Variants in ADGRV1 observed in about 807,000 individuals in gnomAD.
ADGRV1 encodes adhesion G protein-coupled receptor V1, also known as G-protein coupled receptor 98.
A neutral mutation model predicts 596.2 loss-of-function variants in ADGRV1; 359 were observed. The ratio of observed to expected loss-of-function variants is 0.60; its 90% CI spans 0.55 to 0.66. ADGRV1 has a LOEUF of 0.66. Ranked by LOEUF, ADGRV1 falls within the 30% of genes least tolerant of loss-of-function variation. The pLI is 0.00. For synonymous variants in ADGRV1, 2,681 were observed against 2,679.2 expected, an observed-to-expected ratio of 1.00 and a Z score of -0.02; for missense variants, 7,274 against 7,575.6, an observed-to-expected ratio of 0.96 and a Z score of 1.48.
chr5:90,753,549 A>G, intron 53 of ADGRV1, 25 bp from the exon 54 acceptor site: 2 of 1,537,674 alleles, frequency 1.3e-6, no homozygotes, highest in Non-Finnish European at 1.8e-6. Context: ...AAAATAAATA[A>G]CATCTTCTTT....
intron 83 of ADGRV1, among the ~76,000 whole-genome samples, chr5:90,933,588 G>A (rs919148314): frequency 6.6e-6 from 1 of 152,188 alleles, no homozygotes; most frequent in East Asian, 1.9e-4. Flanking sequence ...AAAGTCACTG[G>A]CAGGGTTTGT....
At chr5:90,588,196 T>C (rs1164711669) in intron 1 of ADGRV1, among the ~76,000 whole-genome samples, 1 of 152,182 alleles carries the variant, frequency 6.6e-6, no homozygotes. Flanking sequence ...CATTTACTTA[T>C]AAAAGAAACG....
intron 21 of ADGRV1, among the ~76,000 whole-genome samples, chr5:90,665,629 T>G (rs1771212265): frequency 6.7e-6 from 1 of 150,244 alleles, no homozygotes; most frequent in South Asian, 2.1e-4. Flanking sequence ...TCTGCTCTGA[T>G]TTTAGTTATT....
At chr5:90,885,709 G>A (rs1377848410) in intron 83 of ADGRV1, among the ~76,000 whole-genome samples, 1 of 152,180 alleles carries the variant, frequency 6.6e-6, no homozygotes, top group Non-Finnish European at 1.5e-5. Flanking sequence ...GAGATAAGGA[G>A]TGCCAGGAGA....
At position 90,627,724 on chromosome 5, in the gene ADGRV1, A is replaced by G. The variant is rs1386828461; in HGVS notation, c.1186A>G (p.Asn396Asp). The change falls in exon 7 of 90, where the codon AAC becomes GAC. Residue 396 changes from asparagine (N) to aspartate (D), a missense_variant. By Grantham distance (23) the Asn-to-Asp change is conservative. This residue lies in a region of ADGRV1 where 1,715 missense variants were observed against 1,708.8 expected (regional missense o/e 1.00). Transcript: ENST00000405460. ...TAAACCTTATGGAGTCCTTTCATTC[A>G]ACAGTGTTTTGTTTGAAAGGACAGT... ...NDKPYGVLSFNSVLFERTVII... is the reference protein window; with the variant it reads ...NDKPYGVLSFDSVLFERTVII... 2.5e-6 allele frequency: 4 copies of G among 1,596,042 alleles called. No homozygotes were observed. In the South Asian group the frequency reaches 3.4e-5, roughly 14 times the overall value.
chr5:90,666,832 C>A (rs1580662142), intron 21 of ADGRV1, among the ~76,000 whole-genome samples: 3 of 151,532 alleles, frequency 2.0e-5, no homozygotes, highest in African/African-American at 7.3e-5. Context: ...TCAGCATTTG[C>A]TTTTCTGTAA....
chr5:90,689,760 A>G (rs1746217446), intron 29 of ADGRV1, 101 bp from the exon 30 acceptor site: 2 of 738,752 alleles, frequency 2.7e-6, no homozygotes, highest in Admixed American at 5.3e-5. Flanking sequence ...AGTATTTCCA[A>G]GTAGATCCAT....
chr5:90,789,722 A>G lies in ADGRV1; in HGVS notation c.13914A>G (p.Pro4638=). ...VTLTIQEFGD[P]NGVVQFAPET... ...TTTAGATACAAGAGTTTGGTGACCC[A>G]AATGGAGTTGTTCAGTTTGCTCCTG... Residue 4638 remains proline, a synonymous_variant, in exon 69 of 90, where the codon CCA becomes CCG. Coordinates refer to ENST00000405460, the MANE Select transcript of ADGRV1 (RefSeq NM_032119.4). The G allele has an allele frequency of 1.3e-6, 2 of 1,557,022 alleles. No homozygotes were observed. Among genetic ancestry groups the G allele is most frequent in the Non-Finnish European group, 1.7e-6 (2 of 1,147,344 alleles).
chr5:90,690,741 T>G, intron 30 of ADGRV1, 56 bp from the exon 31 acceptor site: 5 of 1,534,718 alleles, frequency 3.3e-6, no homozygotes, highest in Non-Finnish European at 3.5e-6. Flanking sequence ...CTTGGTTAAC[T>G]GTTATCTCTG....
rs61745498 is a variant in ADGRV1 at position 90,625,152 on chromosome 5, C to A, written c.581C>A (p.Pro194His). ...CAGGTAGAGGGTGGCCCAAATCCCC[C>A]TGATGAAGATTTGAGTCCAGTTAAA... Reference protein sequence around the residue: ...TFEVEGGPNPPDEDLSPVKGN... With the variant: ...TFEVEGGPNPHDEDLSPVKGN... The change falls in exon 6 of 90, where the codon CCT (proline) becomes CAT (histidine). Residue 194 changes from proline (P) to histidine (H), a missense_variant. Physicochemically the swap from Pro to His is moderately conservative, Grantham distance 77. This residue lies in a region of ADGRV1 where 1,715 missense variants were observed against 1,708.8 expected (regional missense o/e 1.00). Coordinates refer to ENST00000405460, the MANE Select transcript of ADGRV1 (RefSeq NM_032119.4). 3.5e-3 allele frequency: 5,602 copies of A among 1,611,608 alleles called. 157 individuals are homozygous for A. The African/African-American group carries it at 0.064, about 18-fold the overall frequency.
intron 86 of ADGRV1, among the ~76,000 whole-genome samples, chr5:91,083,350 C>T (rs1789583274): frequency 1.3e-5 from 2 of 151,920 alleles, no homozygotes; most frequent in Non-Finnish European, 2.9e-5. Context: ...ATGTAACAAA[C>T]CTGCATGTTG....
At chr5:90,637,263 A>G (rs1219402720) in intron 10 of ADGRV1, among the ~76,000 whole-genome samples, 1 of 151,866 alleles carries the variant, frequency 6.6e-6, no homozygotes, top group Non-Finnish European at 1.5e-5. Flanking sequence ...TTTTAATTTT[A>G]CCCCCATCAC....
rs556988124 is a variant in ADGRV1 at position 91,132,644 on chromosome 5, T to C, written c.18433-17386T>C. On this transcript the variant is annotated intron_variant, in intron 87 of 89. Coordinates refer to ENST00000405460, the MANE Select transcript of ADGRV1 (RefSeq NM_032119.4). ...GCGTAATCAGAAGAATGCCGTCTAA[T>C]TGGGGGAATTCCTGAGGAAGTGAAA... 2.6e-5 allele frequency among the ~76,000 whole-genome samples: 4 copies of C among 152,312 alleles called. No homozygotes were observed. In the East Asian group the frequency reaches 5.8e-4, roughly 22 times the overall value.
intron 25 of ADGRV1, 37 bp from the exon 26 acceptor site, chr5:90,679,512 T>C: frequency 6.9e-7 from 1 of 1,457,368 alleles, no homozygotes; most frequent in Non-Finnish European, 9.6e-7. Context: ...TGTCAATGTG[T>C]GTTGTGTGGG....
chr5:90,614,652 A>T (rs1416511204), intron 1 of ADGRV1, 183 bp from the exon 2 acceptor site: 8 of 662,298 alleles, frequency 1.2e-5, no homozygotes, highest in Non-Finnish European at 1.9e-5. Flanking sequence ...GTAAGAATAG[A>T]ATCGTGTTTT....
At chr5:90,745,005 T>C in intron 50 of ADGRV1, 41 bp from the exon 51 acceptor site, 3 of 1,448,858 alleles carry the variant, frequency 2.1e-6, no homozygotes, top group Non-Finnish European at 1.9e-6. Context: ...GAGGTGACAG[T>C]TTATATCTCA....
At position 91,161,188 on chromosome 5, in the gene ADGRV1, G is replaced by A. The variant is rs148166985; in HGVS notation, c.18803-2594G>A. The stretch of plus-strand genomic sequence containing the variant: ...GCTCTTCCTTGCTACAGGCCCCAGG[G>A]CCTTAGTCACCTCCTTATAGAATGG... On this transcript the variant is annotated intron_variant, in intron 89 of 89. Transcript: ENST00000405460. 2.7e-3 allele frequency among the ~76,000 whole-genome samples: 409 copies of A among 152,258 alleles called. 4 individuals are homozygous for A. Among genetic ancestry groups the A allele is most frequent in the African/African-American group, 9.3e-3 (387 of 41,544 alleles).
At chr5:90,667,717 CT>C (rs573104019) in intron 21 of ADGRV1, among the ~76,000 whole-genome samples, 214 of 152,218 alleles carry the variant, frequency 1.4e-3, no homozygotes, top group African/African-American at 5.0e-3. Context: ...TTTTTCTGTT[CT>C]GTTTTTTCCC....
At position 90,716,721 on chromosome 5, in the gene ADGRV1, C is replaced by A; in HGVS notation, c.9439C>A (p.Arg3147=). Residue 3147 remains arginine, a synonymous_variant, in exon 43 of 90, where the codon CGA becomes AGA. Coordinates refer to ENST00000405460, the MANE Select transcript of ADGRV1 (RefSeq NM_032119.4). ...CTATATTGTTTTAGAAGAAGGTGTT[C>A]GATTCAAGGTACAGTAAGAAGCTTT... ...KGYIVLEEGV[R]FKALQISAIL... 1 of 1,610,384 alleles carries A rather than the reference C, an allele frequency of 6.2e-7. No individual in the cohort carries two copies. The highest frequency in any genetic ancestry group is 1.1e-5 in the South Asian group (1 of 90,758).
Sources: gnomAD v4.1 joint callset for allele counts (sites outside exome capture counted in the v4.1 genomes callset) on GRCh38, gnomAD v4.1.1 for gene constraint, gnomAD v4.1.1 regional missense constraint, MANE v1.5 for transcripts, NCBI Gene and HGNC (gene_info 2026-07-23, HGNC 2026-07-21) for gene names.